Variants in CHODL observed in about 807,000 individuals in gnomAD.
CHODL encodes the protein chondrolectin.
In CHODL, 29 loss-of-function variants were observed where a neutral mutation model predicts 34.5. That is an observed-to-expected ratio of 0.84 (90% CI 0.63 to 1.15). The LOEUF (loss-of-function observed/expected upper bound fraction) is 1.15. CHODL is among the 50% of genes most tolerant of loss of function. The probability of loss-of-function intolerance (pLI) is 0.00; values close to 1 mark genes in which losing one functional copy is unlikely to be tolerated. For synonymous variants in CHODL, 125 were observed against 116.1 expected (o/e 1.08, Z -0.49); for missense variants, 332 against 332.5 (o/e 1.00, Z 0.01).
chr21:18,073,385 T>A (rs1449569401), intron 2 of CHODL, among the ~76,000 whole-genome samples: 1 of 152,140 alleles, frequency 6.6e-6, no homozygotes, highest in East Asian at 1.9e-4. Flanking sequence ...TTTACCTTAA[T>A]AAATACATCA....
chr21:17,925,941 T>C (rs1212123233), intron 1 of CHODL, among the ~76,000 whole-genome samples: 1 of 152,206 alleles, frequency 6.6e-6, no homozygotes, highest in African/African-American at 2.4e-5. Context: ...AGGATATAAT[T>C]TGAGATGTTT....
intron 2 of CHODL, among the ~76,000 whole-genome samples, chr21:18,141,370 CAT>C (rs112633724): frequency 0.046 from 7,006 of 151,668 alleles, 491 homozygotes; most frequent in African/African-American, 0.16. Context: ...CCTTCTCAAA[CAT>C]GTGAAAAAAG....
intron 2 of CHODL, among the ~76,000 whole-genome samples, chr21:18,092,563 G>A (rs1463979605): frequency 6.6e-6 from 1 of 152,172 alleles, no homozygotes; most frequent in East Asian, 1.9e-4. Flanking sequence ...CTGTGTTGAG[G>A]AAACTTGAAG....
At chr21:18,002,396 C>T (rs2063915083) in intron 1 of CHODL, among the ~76,000 whole-genome samples, 1 of 152,168 alleles carries the variant, frequency 6.6e-6, no homozygotes, top group East Asian at 1.9e-4. Context: ...TCTCTTAGTT[C>T]TAACCTCATT....
Position 18,028,245 on chromosome 21 carries a change from C to CCCTTCT in CHODL, c.-45+278_-45+279insCTCCTT, listed in dbSNP as rs1555853338. Among the ~76,000 whole-genome samples the CCCTTCT allele has an allele frequency of 2.1e-3, 242 of 114,308 alleles. 13 individuals are homozygous for CCCTTCT. The highest frequency in any genetic ancestry group is 1.8e-3 in the Non-Finnish European group (103 of 57,408). 75.0% of individuals were successfully genotyped at this position (114,308 alleles called of 152,430 possible). On this transcript the variant is annotated intron_variant, in intron 2 of 6. Transcript: ENST00000400127. ...CTCCCCTCCCCTCCCCTTCCCCTTC[C>CCCTTCT]CCTTTTCCTTTTCTTTTTCTTTTTC...
chr21:18,085,231 A>G (rs1173718195), intron 2 of CHODL, among the ~76,000 whole-genome samples: 2 of 151,742 alleles, frequency 1.3e-5, no homozygotes, highest in Non-Finnish European at 2.9e-5. Flanking sequence ...TGTTTTTTTG[A>G]TTCATCTTCC....
chr21:17,917,473 A>T (rs997542812), intron 1 of CHODL: 1 of 152,162 alleles, frequency 6.6e-6, no homozygotes, highest in African/African-American at 2.4e-5. Context: ...AACCCTGAAG[A>T]ACACAGCAGT....
chr21:17,981,940 A>G (rs1473380717), intron 1 of CHODL, among the ~76,000 whole-genome samples: 1 of 152,258 alleles, frequency 6.6e-6, no homozygotes, highest in Non-Finnish European at 1.5e-5. Context: ...TTCAATTGGC[A>G]TAGGCCCAAA....
At chr21:18,084,637 T>A (rs1195877231) in intron 2 of CHODL, among the ~76,000 whole-genome samples, 1 of 152,184 alleles carries the variant, frequency 6.6e-6, no homozygotes, top group African/African-American at 2.4e-5. Flanking sequence ...AGATATTTGA[T>A]ACAATTTTGA....
chr21:18,070,063 T>G (rs1412121913), intron 2 of CHODL, among the ~76,000 whole-genome samples: 1 of 127,864 alleles, frequency 7.8e-6, no homozygotes, highest in Non-Finnish European at 1.6e-5. Context: ...TCCTGTTTGT[T>G]CTTTTTGTTC....
chr21:17,947,137 T>A (rs2063416911), intron 1 of CHODL, among the ~76,000 whole-genome samples: 1 of 152,172 alleles, frequency 6.6e-6, no homozygotes, highest in Non-Finnish European at 1.5e-5. Flanking sequence ...AAATTTAAAA[T>A]GTTTTAAATC....
intron 2 of CHODL, among the ~76,000 whole-genome samples, chr21:18,214,446 C>T (rs2073804060): frequency 6.6e-6 from 1 of 152,036 alleles, no homozygotes; most frequent in Non-Finnish European, 1.5e-5. Context: ...CGAAATTCTT[C>T]CCATACAGTA....
chr21:17,972,970 G>A (rs1435397664), intron 1 of CHODL, among the ~76,000 whole-genome samples: 1 of 152,068 alleles, frequency 6.6e-6, no homozygotes, highest in African/African-American at 2.4e-5. Context: ...CAAAACAGAG[G>A]CCCCAGAAAT....
At chr21:18,082,253 A>C (rs975399292) in intron 2 of CHODL, among the ~76,000 whole-genome samples, 1 of 151,836 alleles carries the variant, frequency 6.6e-6, no homozygotes, top group African/African-American at 2.4e-5. Flanking sequence ...CTTCCCCTTC[A>C]CCTTCTCCCT....
chr21:18,028,698 T>TA (rs34588468), intron 2 of CHODL, among the ~76,000 whole-genome samples: 1,817 of 85,218 alleles, frequency 0.021, 35 homozygotes, highest in South Asian at 0.035. Flanking sequence ...AAACTCCATC[T>TA]AAAAAAAAAA....
intron 2 of CHODL, among the ~76,000 whole-genome samples, chr21:18,239,446 T>C (rs1197341094): frequency 6.6e-6 from 1 of 152,124 alleles, no homozygotes. Context: ...TTTGGTTTTT[T>C]TCCGTTAAAT....
At chr21:17,925,166 T>G (rs1431913696) in intron 1 of CHODL, among the ~76,000 whole-genome samples, 1 of 152,194 alleles carries the variant, frequency 6.6e-6, no homozygotes, top group Non-Finnish European at 1.5e-5. Context: ...AATCTGCGTA[T>G]GAGCAGCCTC....
At chr21:18,237,167 T>C (rs528519485) in intron 2 of CHODL, among the ~76,000 whole-genome samples, 1 of 152,222 alleles carries the variant, frequency 6.6e-6, no homozygotes, top group Admixed American at 6.5e-5. Context: ...AAATTAGTAC[T>C]TTGTCAGGCA....
intron 2 of CHODL, among the ~76,000 whole-genome samples, chr21:18,238,003 G>A (rs1209442146): frequency 6.6e-6 from 1 of 152,074 alleles, no homozygotes; most frequent in Non-Finnish European, 1.5e-5. Context: ...GAAAAAACTG[G>A]GGGAGGATAA....
Sources: allele counts gnomAD v4.1 joint callset (sites outside exome capture counted in the v4.1 genomes callset), GRCh38; gene constraint gnomAD v4.1.1; transcripts MANE v1.5; gene names NCBI Gene and HGNC (gene_info 2026-07-23, HGNC 2026-07-21).